The following DCAF8L2 variants were observed in gnomAD, a reference collection of about 807,000 sequenced individuals.
DCAF8L2 encodes DDB1- and CUL4-associated factor 8-like protein 2.
For missense variants in DCAF8L2, 430 were observed against 490.7 expected (o/e 0.88, Z 1.17); for synonymous variants, 200 against 190.9 (o/e 1.05, Z -0.39).
intron 1 of DCAF8L2, among the ~76,000 whole-genome samples, chrX:27,614,163 T>G (rs965473873): frequency 1.8e-5 from 2 of 111,288 alleles, no homozygotes; most frequent in Admixed American, 9.6e-5. Context: ...ATTCAACTTC[T>G]TCCTGGTTTA....
chrX:27,721,538 C>A (rs970498395), intron 4 of DCAF8L2, among the ~76,000 whole-genome samples: 4 of 110,965 alleles, frequency 3.6e-5, no homozygotes, highest in African/African-American at 1.3e-4. Context: ...TAATTCTAAT[C>A]TATGGAATAA....
chrX:27,726,190 T>G (rs1470284454), intron 4 of DCAF8L2, among the ~76,000 whole-genome samples: 1 of 111,442 alleles, frequency 9.0e-6, no homozygotes, highest in East Asian at 2.8e-4. Context: ...AGTGGCAAAG[T>G]GATTATTTTC....
the DCAF8L2 span, among the ~76,000 whole-genome samples, chrX:27,520,005 T>C: frequency 3.6e-5 from 4 of 111,965 alleles, no homozygotes; most frequent in African/African-American, 1.3e-4. Flanking sequence ...AATTTGGTTT[T>C]TAAAAATATA....
intron 1 of DCAF8L2, among the ~76,000 whole-genome samples, chrX:27,617,534 T>A: frequency 9.0e-6 from 1 of 111,439 alleles, no homozygotes; most frequent in East Asian, 2.8e-4. Flanking sequence ...TTCCCTAATT[T>A]GCTTATTTAG....
At chrX:27,606,070 G>C (rs1364492760) in intron 1 of DCAF8L2, among the ~76,000 whole-genome samples, 1 of 103,728 alleles carries the variant, frequency 9.6e-6, no homozygotes, top group Non-Finnish European at 1.9e-5. Flanking sequence ...GTCACAAAGA[G>C]ACAGTGCACT....
rs769721751 is a variant in DCAF8L2 at position 27,629,408 on chromosome X, TTCTC to T, written c.-341-2463_-341-2460del. 1.5e-3 allele frequency among the ~76,000 whole-genome samples: 169 copies of T among 111,205 alleles called. 3 individuals carry two copies. Among genetic ancestry groups the T allele is most frequent in the Non-Finnish European group, 2.5e-3 (134 of 52,957 alleles). ...GGTTTAAAGTAGAGGTTAAATTTCT[TTCTC>T]TCTCTCTTTTTCTTTCTCTCTCTCT... On this transcript the variant is annotated intron_variant, in intron 1 of 4. Transcript: ENST00000451261.
At chrX:27,475,239 T>C in the DCAF8L2 span, among the ~76,000 whole-genome samples, 1 of 111,380 alleles carries the variant, frequency 9.0e-6, no homozygotes, top group Non-Finnish European at 1.9e-5. Flanking sequence ...GTACTCTACT[T>C]TGAGTTGGGA....
At chrX:27,729,454 A>C (rs868590357) in intron 4 of DCAF8L2, among the ~76,000 whole-genome samples, 3 of 111,856 alleles carry the variant, frequency 2.7e-5, no homozygotes, top group Non-Finnish European at 5.6e-5. Context: ...ACTGATCTTT[A>C]ATTTTTTTTT....
rs1397720186 is a variant in DCAF8L2 at position 27,632,003 on chromosome X, A to G, written c.-220+3A>G. 1 of 110,476 alleles carries G rather than the reference A, an allele frequency of 9.1e-6. No homozygotes were observed. The highest frequency in any genetic ancestry group is 1.9e-5 in the Non-Finnish European group (1 of 52,902). 9.1% of individuals were successfully genotyped at this position (110,476 alleles called of 1,213,427 possible). ...GACCTTGGGAAGCTCAATCTCAGGTAAAGCCTGGAGTCTGGGGTCATAGGG... is the reference window on the plus strand; with the variant it reads ...GACCTTGGGAAGCTCAATCTCAGGTGAAGCCTGGAGTCTGGGGTCATAGGG... On this transcript the variant is annotated splice_donor_region_variant and intron_variant, in intron 2 of 4. Transcript: ENST00000451261.
intron 4 of DCAF8L2, among the ~76,000 whole-genome samples, chrX:27,729,295 T>G (rs961156864): frequency 1.8e-5 from 2 of 111,594 alleles, no homozygotes; most frequent in African/African-American, 6.5e-5. Flanking sequence ...AATTGTATGG[T>G]TTGATGAATT....
At chrX:27,532,410 T>A in the DCAF8L2 span, among the ~76,000 whole-genome samples, 2 of 111,730 alleles carry the variant, frequency 1.8e-5, no homozygotes, top group African/African-American at 6.5e-5. Context: ...GCCAAATAAA[T>A]GGTGATAGCA....
At chrX:27,670,595 G>A (rs1330062607) in intron 2 of DCAF8L2, among the ~76,000 whole-genome samples, 1 of 111,551 alleles carries the variant, frequency 9.0e-6, no homozygotes, top group Non-Finnish European at 1.9e-5. Flanking sequence ...ACATAACCCA[G>A]CTTGGGTCTT....
intron 1 of DCAF8L2, among the ~76,000 whole-genome samples, chrX:27,615,520 TATCA>T (rs1165093096): frequency 1.2e-5 from 1 of 82,563 alleles, no homozygotes; most frequent in Non-Finnish European, 2.4e-5. Context: ...TAGTAGATTC[TATCA>T]ATCTATCTAT....
intron 1 of DCAF8L2, among the ~76,000 whole-genome samples, chrX:27,616,784 C>A (rs1367127814): frequency 1.8e-5 from 2 of 111,072 alleles, no homozygotes; most frequent in Non-Finnish European, 3.8e-5. Flanking sequence ...CTAGGGAAAA[C>A]GGATTGAACA....
chrX:27,668,340 A>C (rs900739489), intron 2 of DCAF8L2, among the ~76,000 whole-genome samples: 1 of 111,926 alleles, frequency 8.9e-6, no homozygotes, highest in African/African-American at 3.3e-5. Flanking sequence ...CTTATCAGGC[A>C]GTCTTTGTAA....
chrX:27,661,969 T>C (rs1419939923), intron 2 of DCAF8L2, among the ~76,000 whole-genome samples: 1 of 111,846 alleles, frequency 8.9e-6, no homozygotes, highest in Admixed American at 9.5e-5. Context: ...TAAGACAATT[T>C]GGGAAAATAG....
intron 4 of DCAF8L2, among the ~76,000 whole-genome samples, chrX:27,745,524 G>C (rs1922118208): frequency 8.9e-6 from 1 of 111,758 alleles, no homozygotes; most frequent in Non-Finnish European, 1.9e-5. Context: ...GCTTTTCAGT[G>C]GTTTTCAGTT....
the DCAF8L2 span, among the ~76,000 whole-genome samples, chrX:27,489,236 T>C: frequency 9.0e-6 from 1 of 111,363 alleles, no homozygotes; most frequent in Non-Finnish European, 1.9e-5. Flanking sequence ...TAGCTGGGAC[T>C]ACAGGCGCCC....
chrX:27,649,499 A>G (rs1311482901), intron 2 of DCAF8L2, among the ~76,000 whole-genome samples: 1 of 112,158 alleles, frequency 8.9e-6, no homozygotes, highest in Non-Finnish European at 1.9e-5. Context: ...ACTAATAGCC[A>G]TTCTGACTGG....
Sources: allele counts gnomAD v4.1 joint callset (sites outside exome capture counted in the v4.1 genomes callset), GRCh38; gene constraint gnomAD v4.1.1; transcripts MANE v1.5; gene names NCBI Gene and HGNC (gene_info 2026-07-23, HGNC 2026-07-21).